The following HMCN1 variants were observed in gnomAD, a reference collection of about 807,000 sequenced individuals.
HMCN1 encodes the protein hemicentin-1.
Under a neutral mutation model 625.9 loss-of-function variants are expected in HMCN1, and 321 were observed. The observed-to-expected ratio is 0.51, with a 90% confidence interval of 0.47 to 0.56. The LOEUF (loss-of-function observed/expected upper bound fraction) is 0.56, where lower values mean the gene tolerates loss of function less well. Ranked by LOEUF, HMCN1 falls within the 20% of genes least tolerant of loss-of-function variation. The pLI is 0.00. For missense variants in HMCN1, 6,588 were observed against 6,887.3 expected, an observed-to-expected ratio of 0.96 and a Z score of 1.54; for synonymous variants, 2,425 against 2,417.6, an observed-to-expected ratio of 1.00 and a Z score of -0.09.
At chr1:185,885,729 C>G (rs930529806) in intron 4 of HMCN1, among the ~76,000 whole-genome samples, 1 of 151,816 alleles carries the variant, frequency 6.6e-6, no homozygotes, top group African/African-American at 2.4e-5. Flanking sequence ...ATTTGATTTC[C>G]CAGTGCCAGA....
At chr1:185,795,475 T>C (rs1261422722) in intron 1 of HMCN1, among the ~76,000 whole-genome samples, 1 of 152,162 alleles carries the variant, frequency 6.6e-6, no homozygotes, top group Non-Finnish European at 1.5e-5. Context: ...ACACATAAAA[T>C]TTGGTGCCCT....
chr1:186,076,336 A>C, intron 53 of HMCN1, 92 bp from the exon 54 acceptor site: 1 of 1,223,602 alleles, frequency 8.2e-7, no homozygotes, highest in Non-Finnish European at 1.2e-6. Flanking sequence ...TGTCTAATCT[A>C]TTGCTTTTAC....
intron 39 of HMCN1, 109 bp from the exon 40 acceptor site, chr1:186,040,904 C>G (rs1656158123): frequency 8.2e-7 from 1 of 1,212,902 alleles, no homozygotes; most frequent in African/African-American, 1.5e-5. Flanking sequence ...GAAAATCTTC[C>G]TAAAAGGCAA....
intron 53 of HMCN1, among the ~76,000 whole-genome samples, chr1:186,075,904 A>T (rs1386298388): frequency 6.6e-6 from 1 of 152,130 alleles, no homozygotes; most frequent in Non-Finnish European, 1.5e-5. Flanking sequence ...CACTCTTTTA[A>T]TGCTTTTGAT....
At chr1:185,769,195 C>G (rs948975762) in intron 1 of HMCN1, among the ~76,000 whole-genome samples, 3 of 152,048 alleles carry the variant, frequency 2.0e-5, no homozygotes, top group African/African-American at 7.2e-5. Context: ...CACCTGTAAT[C>G]CCAGCACTTC....
At chr1:186,090,661 A>T (rs113186178) in intron 63 of HMCN1, 97 bp from the exon 64 acceptor site, 2 of 1,388,690 alleles carry the variant, frequency 1.4e-6, no homozygotes, top group Non-Finnish European at 2.0e-6. Context: ...ATCTACAAAG[A>T]ATATGAACTA....
At chr1:185,826,346 A>G (rs1210368090) in intron 1 of HMCN1, among the ~76,000 whole-genome samples, 3 of 152,216 alleles carry the variant, frequency 2.0e-5, no homozygotes, top group African/African-American at 7.2e-5. Context: ...CAGAAATTTA[A>G]ACAACCATAT....
Position 186,005,728 on chromosome 1 carries a change from A to G in HMCN1, c.4476-1400A>G, listed in dbSNP as rs77237310. Among the ~76,000 whole-genome samples the G allele has an allele frequency of 1.3e-3, 192 of 152,216 alleles. 1 individual carries two copies. The highest frequency in any genetic ancestry group is 4.2e-3 in the African/African-American group (176 of 41,570). On this transcript the variant is annotated intron_variant, in intron 29 of 106. Transcript: ENST00000271588. Reference sequence around the variant, plus strand: ...CCACAGACCAAGGATACTTTTTCTCATCATAATGCTTACTTTTTTGTTTAA... The same window carrying G: ...CCACAGACCAAGGATACTTTTTCTCGTCATAATGCTTACTTTTTTGTTTAA...
Position 185,933,728 on chromosome 1 carries a change from C to G in HMCN1, c.1732C>G (p.Leu578Val). 1 of 1,613,826 alleles carries G rather than the reference C, an allele frequency of 6.2e-7. No individual in the cohort carries two copies. Among genetic ancestry groups the G allele is most frequent in the Non-Finnish European group, 8.5e-7 (1 of 1,179,796 alleles). ...GACCTTGGCTAATCTGTCATTGGAG[C>G]TAAAGAGTGTGAAATTCAACGATGC... ...IRTLANLSLE[L>V]KSVKFNDAGE... Residue 578 changes from leucine to valine, a missense_variant, in exon 11 of 107, where the codon CTA becomes GTA. This residue lies in a region of HMCN1 where 4,628 missense variants were observed against 4,853.1 expected (regional missense o/e 0.95). Transcript: ENST00000271588.
chr1:185,902,409 ATC>A, intron 4 of HMCN1, among the ~76,000 whole-genome samples: 1 of 76,066 alleles, frequency 1.3e-5, no homozygotes, highest in Admixed American at 1.2e-4. Flanking sequence ...ATCTATCTCT[ATC>A]TATCTATCTA....
Position 186,077,662 on chromosome 1 carries a change from A to G in HMCN1, c.8486-445A>G, listed in dbSNP as rs191782651. 1.4e-4 allele frequency among the ~76,000 whole-genome samples: 21 copies of G among 152,346 alleles called. No homozygotes were observed. The East Asian group carries it at 4.0e-3, about 29-fold the overall frequency. ...AATTATATCTACATGATGTTTAAAA[A>G]TATACAGCTATCCTCATAAGAATGT... On this transcript the variant is annotated intron_variant, in intron 54 of 106. Coordinates refer to ENST00000271588, the MANE Select transcript of HMCN1 (RefSeq NM_031935.3).
intron 105 of HMCN1, among the ~76,000 whole-genome samples, chr1:186,185,387 A>G (rs1480832561): frequency 2.0e-5 from 3 of 152,198 alleles, no homozygotes; most frequent in Admixed American, 6.5e-5. Flanking sequence ...AGTCACTGAG[A>G]CAATCTTATT....
chr1:185,945,717 G>C (rs1176160906), intron 11 of HMCN1, among the ~76,000 whole-genome samples: 1 of 152,098 alleles, frequency 6.6e-6, no homozygotes, highest in Non-Finnish European at 1.5e-5. Flanking sequence ...AGGACAGTCT[G>C]TTCAGATGGA....
At chr1:185,928,154 T>C (rs959935322) in intron 9 of HMCN1, among the ~76,000 whole-genome samples, 8 of 152,246 alleles carry the variant, frequency 5.3e-5, no homozygotes, top group African/African-American at 1.4e-4. Flanking sequence ...ACCTTCAAAT[T>C]TGTATATTGC....
At chr1:185,869,602 G>A (rs756798017) in intron 4 of HMCN1, among the ~76,000 whole-genome samples, 7 of 152,074 alleles carry the variant, frequency 4.6e-5, no homozygotes, top group Non-Finnish European at 8.8e-5. Context: ...ATATTGTGAA[G>A]CTCCTACTGG....
At chr1:186,088,114 TTTTGTTTG>T (rs368227896) in intron 61 of HMCN1, 23 bp from the exon 62 acceptor site, 102 of 1,601,490 alleles carry the variant, frequency 6.4e-5, no homozygotes, top group Non-Finnish European at 7.8e-5. Context: ...TCTTCTGTTT[TTTTGTTTG>T]TTTGTTTGTT....
chr1:185,778,030 C>G (rs949000474), intron 1 of HMCN1, among the ~76,000 whole-genome samples: 3 of 152,308 alleles, frequency 2.0e-5, no homozygotes, highest in Admixed American at 6.5e-5. Context: ...ACAAAATGGG[C>G]TAGGGTTTCC....
At chr1:186,129,201 TAAAAA>T (rs75464991) in intron 83 of HMCN1, among the ~76,000 whole-genome samples, 1 of 148,142 alleles carries the variant, frequency 6.8e-6, no homozygotes, top group South Asian at 2.1e-4. Context: ...GTAAAAGATT[TAAAAA>T]AAAAAAACTT....
chr1:186,014,703 A>T (rs1654241821), intron 30 of HMCN1, among the ~76,000 whole-genome samples: 1 of 152,042 alleles, frequency 6.6e-6, no homozygotes, highest in Admixed American at 6.6e-5. Flanking sequence ...CAAGAAGCAA[A>T]AATTGAAGAC....
Sources: allele counts gnomAD v4.1 joint callset (sites outside exome capture counted in the v4.1 genomes callset), GRCh38; gene constraint gnomAD v4.1.1; regional missense constraint gnomAD v4.1.1; transcripts MANE v1.5; gene names NCBI Gene and HGNC (gene_info 2026-07-23, HGNC 2026-07-21).